STAT5B: variants seen among roughly 807,000 people sequenced by gnomAD.
The protein encoded by STAT5B is signal transducer and activator of transcription 5B, also known as transcription factor STAT5B.
A neutral mutation model predicts 107.8 loss-of-function variants in STAT5B; 21 were observed. That is an observed-to-expected ratio of 0.19 (90% CI 0.14 to 0.28). STAT5B has a LOEUF of 0.28. Ranked by LOEUF, STAT5B falls within the 10% of genes least tolerant of loss-of-function variation. The probability of loss-of-function intolerance (pLI) is 1.00; values close to 1 mark genes in which losing one functional copy is unlikely to be tolerated. For missense variants in STAT5B, 565 were observed against 1,008.2 expected (o/e 0.56, Z 5.95); for synonymous variants, 325 against 401.7 (o/e 0.81, Z 2.28).
the STAT5B span, among the ~76,000 whole-genome samples, chr17:42,282,728 C>T: frequency 1.3e-5 from 2 of 152,210 alleles, no homozygotes; most frequent in African/African-American, 4.8e-5. Context: ...CAGACTCACT[C>T]ACTCAAGATC....
chr17:42,223,599 G>A (rs770587796), intron 4 of STAT5B, 43 bp from the exon 5 acceptor site: 4 of 1,605,078 alleles, frequency 2.5e-6, no homozygotes, highest in South Asian at 1.1e-5. Context: ...GCGAATGGGA[G>A]GAAGACTGAG....
intron 1 of STAT5B, among the ~76,000 whole-genome samples, chr17:42,239,162 C>T (rs1313405836): frequency 5.4e-5 from 8 of 149,436 alleles, no homozygotes; most frequent in African/African-American, 7.5e-5. Context: ...GCAGAAGAAT[C>T]GCTTGAACCC....
At chr17:42,235,204 T>C (rs189528446) in intron 1 of STAT5B, 6 of 152,334 alleles carry the variant, frequency 3.9e-5, no homozygotes, top group Admixed American at 3.9e-4. Context: ...TTTCTTATCA[T>C]TTATCAATTC....
At chr17:42,236,201 A>G (rs568962192) in intron 1 of STAT5B, among the ~76,000 whole-genome samples, 1 of 152,342 alleles carries the variant, frequency 6.6e-6, no homozygotes, top group African/African-American at 2.4e-5. Context: ...TTCACTACAC[A>G]TAAGTGCTTT....
At chr17:42,221,160 A>G (rs2080222761) in intron 5 of STAT5B, among the ~76,000 whole-genome samples, 1 of 152,230 alleles carries the variant, frequency 6.6e-6, no homozygotes, top group Non-Finnish European at 1.5e-5. Flanking sequence ...GCTAGAACTC[A>G]GAAATATGGC....
At chr17:42,284,096 C>G in the STAT5B span, among the ~76,000 whole-genome samples, 1 of 152,116 alleles carries the variant, frequency 6.6e-6, no homozygotes, top group South Asian at 2.1e-4. Flanking sequence ...GAAGAAGGGA[C>G]TTGGAGCACA....
At chr17:42,257,361 C>T (rs2080554912) in intron 1 of STAT5B, among the ~76,000 whole-genome samples, 1 of 138,382 alleles carries the variant, frequency 7.2e-6, no homozygotes, top group Non-Finnish European at 1.5e-5. Flanking sequence ...GTTTTAAAAG[C>T]ACCTCCACAA....
chr17:42,267,441 C>A (rs1380424083), intron 1 of STAT5B, among the ~76,000 whole-genome samples: 6 of 152,082 alleles, frequency 3.9e-5, no homozygotes, highest in Non-Finnish European at 7.3e-5. Context: ...ATGACCCTGA[C>A]CCTGTGTAGG....
At chr17:42,271,853 C>G (rs1426225420) in intron 1 of STAT5B, 1 of 152,072 alleles carries the variant, frequency 6.6e-6, no homozygotes, top group African/African-American at 2.4e-5. Flanking sequence ...AATAGGAAGT[C>G]AAGATACTCC....
intron 15 of STAT5B, among the ~76,000 whole-genome samples, chr17:42,208,647 C>T (rs1197229619): frequency 1.3e-5 from 2 of 152,124 alleles, no homozygotes; most frequent in African/African-American, 4.8e-5. Flanking sequence ...TTACTGGCCC[C>T]CAATCCCTGA....
intron 1 of STAT5B, among the ~76,000 whole-genome samples, chr17:42,262,974 A>ATG (rs2080627560): frequency 4.1e-5 from 1 of 24,128 alleles, no homozygotes; most frequent in Admixed American, 3.5e-4. Context: ...GTGTGTGTAT[A>ATG]TATATATATA....
chr17:42,220,673 A>T (rs1372897531), intron 5 of STAT5B, among the ~76,000 whole-genome samples: 1 of 152,142 alleles, frequency 6.6e-6, no homozygotes, highest in Non-Finnish European at 1.5e-5. Flanking sequence ...GGGGATGCAG[A>T]GCCACCAAGA....
At chr17:42,239,600 T>C (rs1292786860) in intron 1 of STAT5B, among the ~76,000 whole-genome samples, 1 of 152,184 alleles carries the variant, frequency 6.6e-6, no homozygotes, top group Non-Finnish European at 1.5e-5. Context: ...ACAAGTGCTT[T>C]TATGAATCTA....
At chr17:42,246,791 CACAA>C (rs905166410) in intron 1 of STAT5B, among the ~76,000 whole-genome samples, 2 of 152,162 alleles carry the variant, frequency 1.3e-5, no homozygotes, top group African/African-American at 4.8e-5. Context: ...CATTTCTAAA[CACAA>C]ACAAACACAT....
chr17:42,201,426 GCA>G lies in STAT5B; in HGVS notation c.*310_*311del. On this transcript the variant is annotated 3_prime_UTR_variant, in exon 19 of 19. Coordinates refer to ENST00000293328, the MANE Select transcript of STAT5B (RefSeq NM_012448.4). ...GCTTCACGAAACTCACTGCCTTTTT[GCA>G]CAAAGTAAAAACCACCACAGCTTCT... 1.7e-6 allele frequency: 1 copy of G among 595,934 alleles called. No individual in the cohort carries two copies. The highest frequency in any genetic ancestry group is 3.0e-6 in the Non-Finnish European group (1 of 334,392). 36.9% of individuals were successfully genotyped at this position (595,934 alleles called of 1,614,324 possible).
intron 13 of STAT5B, among the ~76,000 whole-genome samples, chr17:42,211,681 G>A (rs1446841602): frequency 9.9e-5 from 15 of 152,068 alleles, no homozygotes; most frequent in East Asian, 5.8e-4. Context: ...CCCAGAGTTC[G>A]CATCCCCTCA....
chr17:42,274,464 T>C (rs2080748356), intron 1 of STAT5B, among the ~76,000 whole-genome samples: 2 of 152,100 alleles, frequency 1.3e-5, no homozygotes, highest in South Asian at 2.1e-4. Flanking sequence ...AATTGTCACA[T>C]AGGAAGTTTT....
At chr17:42,279,810 A>G (rs1195588151), upstream of STAT5B, among the ~76,000 whole-genome samples, 3 of 151,838 alleles carry the variant, frequency 2.0e-5, no homozygotes, top group African/African-American at 7.3e-5. Context: ...TCAGAAAAAA[A>G]AAAAAAAATG....
chr17:42,284,998 T>C, the STAT5B span, among the ~76,000 whole-genome samples: 1 of 152,190 alleles, frequency 6.6e-6, no homozygotes, highest in African/African-American at 2.4e-5. Flanking sequence ...GATACGAATA[T>C]AGTGTGCCAA....
Sources: allele counts gnomAD v4.1 joint callset (sites outside exome capture counted in the v4.1 genomes callset), GRCh38; gene constraint gnomAD v4.1.1; transcripts MANE v1.5; gene names NCBI Gene and HGNC (gene_info 2026-07-23, HGNC 2026-07-21).